DDC: variants seen among roughly 807,000 people sequenced by gnomAD.
DDC encodes dopa decarboxylase.
DDC carries 43 observed loss-of-function variants against 60.0 expected under a neutral mutation model. That is an observed-to-expected ratio of 0.72 (90% CI 0.56 to 0.92). The LOEUF (loss-of-function observed/expected upper bound fraction) is 0.92, where lower values mean the gene tolerates loss of function less well. Among genes scored for constraint, DDC ranks in the 40% least tolerant of loss-of-function variants. DDC has a pLI of 0.00. For missense variants in DDC, 573 were observed against 620.2 expected, an observed-to-expected ratio of 0.92 and a Z score of 0.81; for synonymous variants, 232 against 234.6, an observed-to-expected ratio of 0.99 and a Z score of 0.10.
intron 6 of DDC, among the ~76,000 whole-genome samples, chr7:50,516,604 CAA>C (rs199640698): frequency 6.9e-6 from 1 of 144,974 alleles, no homozygotes; most frequent in Non-Finnish European, 1.5e-5. Flanking sequence ...GAAATTGAAA[CAA>C]AAAAAAAATA....
At chr7:50,548,327 G>A (rs1160801574) in intron 1 of DDC, among the ~76,000 whole-genome samples, 1 of 152,214 alleles carries the variant, frequency 6.6e-6, no homozygotes, top group Non-Finnish European at 1.5e-5. Context: ...AGGAAGGCAT[G>A]TCAAAAGTTG....
intron 7 of DDC, among the ~76,000 whole-genome samples, chr7:50,502,415 G>T (rs1033837437): frequency 6.6e-6 from 1 of 152,100 alleles, no homozygotes; most frequent in African/African-American, 2.4e-5. Context: ...AGAAGACCTC[G>T]GCCCTTTAAA....
chr7:50,471,906 A>T (rs953189688), intron 11 of DDC, among the ~76,000 whole-genome samples: 1 of 152,234 alleles, frequency 6.6e-6, no homozygotes, highest in African/African-American at 2.4e-5. Context: ...GCTGTGTTCC[A>T]AAATCATTCC....
At chr7:50,522,337 A>G (rs1434398219) in intron 6 of DDC, among the ~76,000 whole-genome samples, 1 of 152,212 alleles carries the variant, frequency 6.6e-6, no homozygotes, top group Non-Finnish European at 1.5e-5. Flanking sequence ...TCAAGATGTC[A>G]GTTATTTCAA....
At chr7:50,537,725 G>A in intron 4 of DDC, 135 bp downstream of exon 4, 1 of 1,156,696 alleles carries the variant, frequency 8.6e-7, no homozygotes, top group South Asian at 1.2e-5. Flanking sequence ...TTTCCCAAGA[G>A]CTCGGTTTTG....
At chr7:50,495,746 A>C (rs142521924) in intron 8 of DDC, among the ~76,000 whole-genome samples, 1 of 152,248 alleles carries the variant, frequency 6.6e-6, no homozygotes, top group Non-Finnish European at 1.5e-5. Flanking sequence ...TCCCAAATGA[A>C]AAGCATTTTC....
At chr7:50,548,621 GT>G (rs1453460098) in intron 1 of DDC, among the ~76,000 whole-genome samples, 2 of 152,210 alleles carry the variant, frequency 1.3e-5, no homozygotes, top group Non-Finnish European at 2.9e-5. Flanking sequence ...AGTTAGCAGA[GT>G]TTTGTTCATG....
chr7:50,466,679 C>G (rs1157981850), intron 13 of DDC, among the ~76,000 whole-genome samples: 1 of 152,166 alleles, frequency 6.6e-6, no homozygotes, highest in African/African-American at 2.4e-5. Flanking sequence ...CCAGCCTGCC[C>G]TCACCTGGTG....
chr7:50,469,731 C>G (rs1470436666), intron 12 of DDC, among the ~76,000 whole-genome samples: 1 of 152,168 alleles, frequency 6.6e-6, no homozygotes, highest in Non-Finnish European at 1.5e-5. Context: ...GTAATCCCAG[C>G]ACTTTGAGAG....
chr7:50,505,155 T>C (rs2043356844), intron 6 of DDC, among the ~76,000 whole-genome samples: 2 of 152,200 alleles, frequency 1.3e-5, no homozygotes, highest in Non-Finnish European at 2.9e-5. Context: ...CCCACACACA[T>C]GTCTGTCTCT....
intron 13 of DDC, among the ~76,000 whole-genome samples, chr7:50,466,350 T>C (rs1487336589): frequency 6.6e-6 from 1 of 151,960 alleles, no homozygotes; most frequent in Non-Finnish European, 1.5e-5. Flanking sequence ...CTGGGCGTGG[T>C]GGCGCACACC....
rs2042174883 is a variant in DDC, at chr7:50,458,523, G to A, written c.*339C>T. 1 of 152,220 alleles carries A rather than the reference G, an allele frequency of 6.6e-6. No individual in the cohort carries two copies. The highest frequency in any genetic ancestry group is 1.5e-5 in the Non-Finnish European group (1 of 68,042). The allele number at this position is 152,220 out of a possible 1,614,324, so 9.4% of individuals were successfully genotyped here. On this transcript the variant is annotated 3_prime_UTR_variant, in exon 15 of 15. Coordinates refer to ENST00000444124, the MANE Select transcript of DDC (RefSeq NM_001082971.2). ...CCACAGATATAATTTCAAGTTGCGT[G>A]AACATTGATTGCCCTGGAAAATATA...
chr7:50,492,555 T>C (rs972626296), intron 9 of DDC: 18 of 366,912 alleles, frequency 4.9e-5, no homozygotes, highest in African/African-American at 3.2e-4. Flanking sequence ...GCAACCACCC[T>C]GCCCCACCAC....
intron 1 of DDC, 113 bp from the exon 2 acceptor site, chr7:50,544,226 G>A (rs2044731566): frequency 3.8e-6 from 3 of 797,596 alleles, no homozygotes; most frequent in Non-Finnish European, 6.4e-6. Context: ...ATGCCCTGGA[G>A]GCCACTTGGA....
At chr7:50,527,923 G>C in intron 6 of DDC, 3 of 517,034 alleles carry the variant, frequency 5.8e-6, no homozygotes, top group Non-Finnish European at 6.9e-6. Flanking sequence ...TTGAGACAGA[G>C]TCTTGCTCTG....
At chr7:50,532,152 G>T (rs2044237196) in intron 4 of DDC, among the ~76,000 whole-genome samples, 1 of 152,188 alleles carries the variant, frequency 6.6e-6, no homozygotes, top group South Asian at 2.1e-4. Flanking sequence ...TGGCTCACAG[G>T]CTGTCACCAG....
chr7:50,499,238 G>T lies in DDC; in HGVS notation c.786C>A (p.Asn262Lys). ...DNLLEVGPIC[N>K]KEDIWLHVDA... ...CAACGTGCAGCCATATGTCTTCCTT[G>T]TTGCCTAAAGTTCAGAATCAACTTG... The change falls in exon 8 of 15, where the codon AAC becomes AAA. Residue 262 changes from asparagine to lysine, a missense_variant. Physicochemically the swap from Asn to Lys is moderately conservative, Grantham distance 94 (BLOSUM62 0). Transcript: ENST00000444124. The T allele has an allele frequency of 6.2e-7, 1 of 1,611,688 alleles. No homozygotes were observed. Among genetic ancestry groups the T allele is most frequent in the Non-Finnish European group, 8.5e-7 (1 of 1,178,918 alleles).
intron 2 of DDC, among the ~76,000 whole-genome samples, chr7:50,540,506 A>T (rs536735476): frequency 8.3e-4 from 121 of 146,650 alleles, no homozygotes; most frequent in Non-Finnish European, 1.5e-3. Context: ...AAAAAAAAAA[A>T]CCAAGCTCTG....
chr7:50,493,033 A>G, intron 9 of DDC: 1 of 1,556,660 alleles, frequency 6.4e-7, no homozygotes, highest in Non-Finnish European at 8.7e-7. Flanking sequence ...CATTCATTAC[A>G]CTCCTTCTTA....
Sources: allele counts gnomAD v4.1 joint callset (sites outside exome capture counted in the v4.1 genomes callset), GRCh38; gene constraint gnomAD v4.1.1; transcripts MANE v1.5; gene names NCBI Gene and HGNC (gene_info 2026-07-23, HGNC 2026-07-21).